The following PAIP2B variants were observed in gnomAD, a reference collection of about 807,000 sequenced individuals.
PAIP2B encodes the protein poly(A) binding protein interacting protein 2B, also known as polyadenylate-binding protein-interacting protein 2B.
PAIP2B carries 13 observed loss-of-function variants against 17.0 expected under a neutral mutation model. That is an observed-to-expected ratio of 0.76 (90% CI 0.50 to 1.22). The LOEUF (loss-of-function observed/expected upper bound fraction) is 1.22, where lower values mean the gene tolerates loss of function less well. PAIP2B is among the 50% of genes most tolerant of loss of function. The probability of loss-of-function intolerance (pLI) is 0.00; values close to 1 mark genes in which losing one functional copy is unlikely to be tolerated. For missense variants in PAIP2B, 117 were observed against 144.5 expected, an observed-to-expected ratio of 0.81 and a Z score of 0.98; for synonymous variants, 43 against 48.7, an observed-to-expected ratio of 0.88 and a Z score of 0.48.
In PAIP2B at chr2:71,182,884, A is replaced by C. The variant is rs1312176894; in HGVS notation, c.*5595T>G. 1 of 113,372 alleles carries C rather than the reference A, an allele frequency of 8.8e-6. No individual in the cohort carries two copies. The highest frequency in any genetic ancestry group is 1.8e-5 in the Non-Finnish European group (1 of 56,214). The allele number at this position is 113,372 out of a possible 1,614,324, so 7.0% of individuals were successfully genotyped here. A position where few individuals can be genotyped will look rare whatever the true frequency, so the allele number is the denominator to read the frequency against. Reference sequence around the variant, plus strand: ...AGCCCTGTCCCTCCCCCAAAGAAGGATTAATAACTACCAAGTAATGATTAG... The same window carrying C: ...AGCCCTGTCCCTCCCCCAAAGAAGGCTTAATAACTACCAAGTAATGATTAG... On this transcript the variant is annotated 3_prime_UTR_variant, in exon 4 of 4. Transcript: ENST00000244221.
At chr2:71,202,078 A>T (rs1198007891) in intron 2 of PAIP2B, among the ~76,000 whole-genome samples, 1 of 152,246 alleles carries the variant, frequency 6.6e-6, no homozygotes, top group African/African-American at 2.4e-5. Context: ...GACCCTCTGC[A>T]GTAGTTACTG....
Position 71,185,863 on chromosome 2 carries a change from G to C in PAIP2B, c.*2616C>G, listed in dbSNP as rs1674523612. ...GAAAGAGATAAATTATTTTCATCTTGGAATTTTAGAGTTGAATAAATAATC... is the reference window on the plus strand; with the variant it reads ...GAAAGAGATAAATTATTTTCATCTTCGAATTTTAGAGTTGAATAAATAATC... On this transcript the variant is annotated 3_prime_UTR_variant, in exon 4 of 4. Transcript: ENST00000244221. 1 of 152,084 alleles carries C rather than the reference G, an allele frequency of 6.6e-6. No individual in the cohort carries two copies. Among genetic ancestry groups the C allele is most frequent in the Non-Finnish European group, 1.5e-5 (1 of 68,030 alleles). 9.4% of individuals were successfully genotyped at this position (152,084 alleles called of 1,614,324 possible).
chr2:71,184,310 G>A lies in PAIP2B; in HGVS notation c.*4169C>T, dbSNP rs1460614426. On this transcript the variant is annotated 3_prime_UTR_variant, in exon 4 of 4. Coordinates refer to ENST00000244221, the MANE Select transcript of PAIP2B (RefSeq NM_020459.1). ...TACAGATTTCTCTCCTGTCCCCTGG[G>A]ACTGGGGAAGGTGAATCTCCTGCCT... The A allele has an allele frequency of 4.6e-5, 7 of 152,120 alleles. No individual in the cohort carries two copies. The highest frequency in any genetic ancestry group is 1.0e-4 in the Non-Finnish European group (7 of 68,016). The allele number at this position is 152,120 out of a possible 1,614,324, so 9.4% of individuals were successfully genotyped here. A position where few individuals can be genotyped will look rare whatever the true frequency, so the allele number is the denominator to read the frequency against.
At chr2:71,205,205 GA>G (rs1361944865) in intron 1 of PAIP2B, among the ~76,000 whole-genome samples, 2 of 152,300 alleles carry the variant, frequency 1.3e-5, no homozygotes, top group African/African-American at 4.8e-5. Flanking sequence ...ATACTTCACA[GA>G]AGTTAAAAAC....
At chr2:71,191,916 T>C (rs1674696661) in intron 2 of PAIP2B, among the ~76,000 whole-genome samples, 1 of 152,190 alleles carries the variant, frequency 6.6e-6, no homozygotes, top group African/African-American at 2.4e-5. Flanking sequence ...TTTGCTGAAG[T>C]AGTCTAGCCA....
chr2:71,206,715 A>AT (rs1018387431), intron 1 of PAIP2B, among the ~76,000 whole-genome samples: 2 of 152,152 alleles, frequency 1.3e-5, no homozygotes, highest in Non-Finnish European at 2.9e-5. Context: ...CTTAAATAAT[A>AT]TTTTTCAGAA....
chr2:71,195,170 C>T (rs1674785435), intron 2 of PAIP2B, among the ~76,000 whole-genome samples: 1 of 152,122 alleles, frequency 6.6e-6, no homozygotes, highest in South Asian at 2.1e-4. Flanking sequence ...AAGGATATTT[C>T]CCTGAAGTTT....
At chr2:71,208,740 A>G (rs1221514088) in intron 1 of PAIP2B, among the ~76,000 whole-genome samples, 1 of 152,218 alleles carries the variant, frequency 6.6e-6, no homozygotes, top group Non-Finnish European at 1.5e-5. Context: ...TGATAGGTAT[A>G]TAAGAGAAAA....
At position 71,184,699 on chromosome 2, in the gene PAIP2B, G is replaced by A. The variant is rs1347012447; in HGVS notation, c.*3780C>T. The A allele has an allele frequency of 6.6e-6, 1 of 152,206 alleles. No homozygotes were observed. Among genetic ancestry groups the A allele is most frequent in the East Asian group, 1.9e-4 (1 of 5,198 alleles). The allele number at this position is 152,206 out of a possible 1,614,324, so 9.4% of individuals were successfully genotyped here. A position where few individuals can be genotyped will look rare whatever the true frequency, so the allele number is the denominator to read the frequency against. ...TGCAGGGTGCAATGAGTCACATGGG[G>A]AAATGTGGACAGAGGCAGAAGGACA... is the stretch of plus-strand genomic sequence containing the variant. On this transcript the variant is annotated 3_prime_UTR_variant, in exon 4 of 4. Transcript: ENST00000244221.
intron 2 of PAIP2B, among the ~76,000 whole-genome samples, chr2:71,199,728 C>T (rs1558775609): frequency 6.6e-6 from 1 of 152,132 alleles, no homozygotes; most frequent in Non-Finnish European, 1.5e-5. Context: ...CACCTATCTT[C>T]TCTCTTAAAA....
At position 71,188,477 on chromosome 2, in the gene PAIP2B, G is replaced by GTACTT; in HGVS notation, c.*1_*2insAAGTA. 6.2e-7 allele frequency: 1 copy of GTACTT among 1,608,448 alleles called. No individual in the cohort carries two copies. Among genetic ancestry groups the GTACTT allele is most frequent in the South Asian group, 1.1e-5 (1 of 89,642 alleles). ...ACAAGTCTTCCTCAAAGCTTTCTCG[G>GTACTT]CTCAGTACTTCTCTCCTGGAATAAA... On this transcript the variant is annotated 3_prime_UTR_variant, in exon 4 of 4. Coordinates refer to ENST00000244221, the MANE Select transcript of PAIP2B (RefSeq NM_020459.1).
At chr2:71,198,426 C>T (rs1412546175) in intron 2 of PAIP2B, among the ~76,000 whole-genome samples, 1 of 151,980 alleles carries the variant, frequency 6.6e-6, no homozygotes, top group Non-Finnish European at 1.5e-5. Flanking sequence ...GCTGGGACTA[C>T]AGGCGCCCGC....
At chr2:71,223,557 C>T (rs1261529186) in intron 1 of PAIP2B, among the ~76,000 whole-genome samples, 2 of 151,924 alleles carry the variant, frequency 1.3e-5, no homozygotes, top group Non-Finnish European at 2.9e-5. Flanking sequence ...CTGCCTCAGC[C>T]TCCTGAATAG....
intron 1 of PAIP2B, among the ~76,000 whole-genome samples, chr2:71,219,833 A>T (rs1281952402): frequency 1.3e-5 from 2 of 152,160 alleles, no homozygotes; most frequent in African/African-American, 4.8e-5. Flanking sequence ...TTGGTTTCTT[A>T]TTATCATTTC....
intron 1 of PAIP2B, among the ~76,000 whole-genome samples, chr2:71,207,889 G>A (rs1675178661): frequency 1.3e-5 from 2 of 152,116 alleles, no homozygotes; most frequent in African/African-American, 2.4e-5. Flanking sequence ...AAGGTGATGA[G>A]TTCTATTTTG....
chr2:71,198,922 G>T (rs1674902454), intron 2 of PAIP2B, among the ~76,000 whole-genome samples: 1 of 152,040 alleles, frequency 6.6e-6, no homozygotes, highest in South Asian at 2.1e-4. Flanking sequence ...TCCTTGGACT[G>T]GGTTTTGCCA....
chr2:71,208,894 G>A (rs1212540598), intron 1 of PAIP2B, among the ~76,000 whole-genome samples: 2 of 152,180 alleles, frequency 1.3e-5, no homozygotes, highest in Non-Finnish European at 2.9e-5. Flanking sequence ...CTCCCCTAGA[G>A]CCTCCAGAAG....
intron 2 of PAIP2B, among the ~76,000 whole-genome samples, chr2:71,196,389 C>T (rs1015132458): frequency 1.3e-5 from 2 of 152,052 alleles, no homozygotes; most frequent in African/African-American, 2.4e-5. Flanking sequence ...GGTATGATTT[C>T]GGTTCTTTTA....
intron 1 of PAIP2B, among the ~76,000 whole-genome samples, chr2:71,226,147 T>C (rs1675718968): frequency 6.6e-6 from 1 of 152,226 alleles, no homozygotes; most frequent in Non-Finnish European, 1.5e-5. Flanking sequence ...GCGGGTATAA[T>C]GGTCAAATGC....
Sources: allele counts gnomAD v4.1 joint callset (sites outside exome capture counted in the v4.1 genomes callset), GRCh38; gene constraint gnomAD v4.1.1; transcripts MANE v1.5; gene names NCBI Gene and HGNC (gene_info 2026-07-23, HGNC 2026-07-21).